Variants in CNTNAP2 observed in about 807,000 individuals in gnomAD.
CNTNAP2 encodes the protein contactin associated protein 2, also known as contactin-associated protein-like 2.
CNTNAP2 carries 98 observed loss-of-function variants against 155.2 expected under a neutral mutation model. That is an observed-to-expected ratio of 0.63 (90% CI 0.54 to 0.75). CNTNAP2 has a LOEUF of 0.75. Among genes scored for constraint, CNTNAP2 ranks in the 30% least tolerant of loss-of-function variants. The probability of loss-of-function intolerance (pLI) is 0.00; values close to 1 mark genes in which losing one functional copy is unlikely to be tolerated. For missense variants in CNTNAP2, 1,727 were observed against 1,688.1 expected, an observed-to-expected ratio of 1.02 and a Z score of -0.40; for synonymous variants, 651 against 631.2, an observed-to-expected ratio of 1.03 and a Z score of -0.47.
At chr7:147,322,085 T>C (rs150938946) in intron 9 of CNTNAP2, among the ~76,000 whole-genome samples, 17 of 152,280 alleles carry the variant, frequency 1.1e-4, no homozygotes, top group African/African-American at 3.6e-4. Flanking sequence ...AAATGGCAAT[T>C]TGAGTGCCAG....
At chr7:147,191,509 G>T (rs985366068) in intron 8 of CNTNAP2, among the ~76,000 whole-genome samples, 1 of 152,066 alleles carries the variant, frequency 6.6e-6, no homozygotes, top group Non-Finnish European at 1.5e-5. Context: ...TTTCCTGGTG[G>T]CATGTGGTAT....
intron 15 of CNTNAP2, among the ~76,000 whole-genome samples, chr7:148,031,463 G>A (rs1802475173): frequency 6.6e-6 from 1 of 152,146 alleles, no homozygotes; most frequent in Non-Finnish European, 1.5e-5. Context: ...TGGGAAGTCC[G>A]CTGGTCATTG....
chr7:146,719,988 G>A (rs1410480293), intron 1 of CNTNAP2, among the ~76,000 whole-genome samples: 1 of 152,046 alleles, frequency 6.6e-6, no homozygotes, highest in African/African-American at 2.4e-5. Flanking sequence ...TGAATACATA[G>A]AATTCTTCCC....
In CNTNAP2 at chr7:146,839,917, C is replaced by T. The variant is rs532060379; in HGVS notation, c.402+13C>T. The T allele has an allele frequency of 6.2e-7, 1 of 1,613,574 alleles. No individual in the cohort carries two copies. Among genetic ancestry groups the T allele is most frequent in the South Asian group, 1.1e-5 (1 of 90,994 alleles). ...TGGGAATATCTGGGTAAGTCATTGG[C>T]AGGAAAGCAAAGACACAGAATTGGA... On this transcript the variant is annotated intron_variant, in intron 3 of 23. Transcript: ENST00000361727.
At chr7:146,199,223 A>ACC (rs2116864024) in intron 1 of CNTNAP2, among the ~76,000 whole-genome samples, 1 of 152,286 alleles carries the variant, frequency 6.6e-6, no homozygotes, top group African/African-American at 2.4e-5. Context: ...AATCCAGCAA[A>ACC]TGGAGTGGAT....
At chr7:147,102,834 T>A (rs1193949025) in intron 4 of CNTNAP2, among the ~76,000 whole-genome samples, 2 of 152,172 alleles carry the variant, frequency 1.3e-5, no homozygotes, top group African/African-American at 2.4e-5. Context: ...AAAAGCAATG[T>A]GTAGATGGAA....
intron 1 of CNTNAP2, among the ~76,000 whole-genome samples, chr7:146,643,674 A>G (rs1036992635): frequency 1.5e-4 from 23 of 152,024 alleles, no homozygotes; most frequent in Non-Finnish European, 5.9e-5. Flanking sequence ...GAACTTTAAA[A>G]TAGTTTTTTC....
At chr7:148,081,137 G>T (rs1175224551) in intron 15 of CNTNAP2, among the ~76,000 whole-genome samples, 14 of 152,192 alleles carry the variant, frequency 9.2e-5, no homozygotes, top group Admixed American at 9.2e-4. Context: ...ATGTGAAGAA[G>T]TTAGTATCTT....
intron 1 of CNTNAP2, among the ~76,000 whole-genome samples, chr7:146,741,747 T>C (rs1801720070): frequency 6.6e-6 from 1 of 152,098 alleles, no homozygotes; most frequent in African/African-American, 2.4e-5. Context: ...GACACAGATT[T>C]GAATATTGCA....
chr7:147,531,073 G>A (rs1362226904), intron 11 of CNTNAP2, among the ~76,000 whole-genome samples: 3 of 152,194 alleles, frequency 2.0e-5, no homozygotes, highest in East Asian at 1.9e-4. Flanking sequence ...TCCAGGTCAC[G>A]CTGATGCAAG....
At chr7:148,175,466 A>G (rs1055511319) in intron 18 of CNTNAP2, among the ~76,000 whole-genome samples, 2 of 152,092 alleles carry the variant, frequency 1.3e-5, no homozygotes, top group Non-Finnish European at 2.9e-5. Flanking sequence ...AATTTTATGT[A>G]ATTATATTGT....
At chr7:148,313,634 A>G (rs1046412962) in intron 21 of CNTNAP2, among the ~76,000 whole-genome samples, 1 of 152,192 alleles carries the variant, frequency 6.6e-6, no homozygotes, top group Non-Finnish European at 1.5e-5. Flanking sequence ...AAGGAATTGC[A>G]ACTCAGAAAT....
chr7:147,045,396 C>A (rs115386144), intron 4 of CNTNAP2, among the ~76,000 whole-genome samples: 166 of 152,224 alleles, frequency 1.1e-3, no homozygotes, highest in African/African-American at 3.9e-3. Flanking sequence ...AAAATATTAG[C>A]TATAATAGTG....
chr7:146,506,141 T>C (rs531633087), intron 1 of CNTNAP2, among the ~76,000 whole-genome samples: 1 of 152,248 alleles, frequency 6.6e-6, no homozygotes, highest in South Asian at 2.1e-4. Context: ...AGGGCCTGAA[T>C]TGTATGTTGT....
intron 13 of CNTNAP2, among the ~76,000 whole-genome samples, chr7:147,832,090 G>A (rs935882965): frequency 6.8e-6 from 1 of 147,472 alleles, no homozygotes; most frequent in Non-Finnish European, 1.5e-5. Flanking sequence ...TTTTAAAACT[G>A]TTATATATAA....
At chr7:148,254,049 T>C (rs1025747334) in intron 20 of CNTNAP2, among the ~76,000 whole-genome samples, 1 of 152,150 alleles carries the variant, frequency 6.6e-6, no homozygotes, top group Non-Finnish European at 1.5e-5. Flanking sequence ...TTCAAGCCCA[T>C]GTTGTTTAAG....
At chr7:146,265,513 C>T (rs1191446022) in intron 1 of CNTNAP2, among the ~76,000 whole-genome samples, 1 of 145,352 alleles carries the variant, frequency 6.9e-6, no homozygotes, top group Non-Finnish European at 1.5e-5. Flanking sequence ...GACTGGAGTG[C>T]AGTGGTGTGA....
In CNTNAP2 at chr7:147,977,820, T is replaced by C. The variant is rs2373284; in HGVS notation, c.2256-42T>C. ...ACTAGCAGAAAATTCATATGTCTAATGCAGCCTCCTCATTCTTTTTCTGTC... is the reference window on the plus strand; with the variant it reads ...ACTAGCAGAAAATTCATATGTCTAACGCAGCCTCCTCATTCTTTTTCTGTC... On this transcript the variant is annotated intron_variant, in intron 14 of 23. Coordinates refer to ENST00000361727, the MANE Select transcript of CNTNAP2 (RefSeq NM_014141.6). The C allele has an allele frequency of 0.42, 672,033 of 1,610,804 alleles. 146,162 individuals carry two copies. Among genetic ancestry groups the C allele is most frequent in the East Asian group, 0.74 (33,305 of 44,790 alleles).
At chr7:146,135,497 C>A (rs116799853) in intron 1 of CNTNAP2, among the ~76,000 whole-genome samples, 12 of 152,154 alleles carry the variant, frequency 7.9e-5, no homozygotes, top group Middle Eastern at 3.4e-3. Flanking sequence ...TGGAGAAGCA[C>A]CTCTTATAAA....
Sources: allele counts gnomAD v4.1 joint callset (sites outside exome capture counted in the v4.1 genomes callset), GRCh38; gene constraint gnomAD v4.1.1; transcripts MANE v1.5; gene names NCBI Gene and HGNC (gene_info 2026-07-23, HGNC 2026-07-21).